The following TUSC3 variants were observed in gnomAD, a reference collection of about 807,000 sequenced individuals.
TUSC3 encodes the protein tumor suppressor candidate 3, also known as dolichyl-diphosphooligosaccharide--protein glycosyltransferase subunit TUSC3.
Under a neutral mutation model 44.8 loss-of-function variants are expected in TUSC3, and 45 were observed. The ratio of observed to expected loss-of-function variants is 1.00; its 90% CI spans 0.79 to 1.29. The LOEUF is 1.29. Ranked by LOEUF, TUSC3 falls within the 50% of genes most tolerant of loss-of-function variation. The pLI is 0.00. For missense variants in TUSC3, 519 were observed against 437.9 expected, an observed-to-expected ratio of 1.19 and a Z score of -1.65; for synonymous variants, 212 against 152.9, an observed-to-expected ratio of 1.39 and a Z score of -2.85.
At chr8:15,684,327 G>A (rs1327519874) in intron 6 of TUSC3, among the ~76,000 whole-genome samples, 2 of 152,126 alleles carry the variant, frequency 1.3e-5, no homozygotes, top group Non-Finnish European at 2.9e-5. Flanking sequence ...AGTGAGTTGT[G>A]GAGTGTGTTC....
intron 1 of TUSC3, among the ~76,000 whole-genome samples, chr8:15,439,505 C>T (rs1325804403): frequency 1.3e-5 from 2 of 152,114 alleles, no homozygotes; most frequent in Non-Finnish European, 2.9e-5. Context: ...TGAAGTGAAC[C>T]GTGGTTACAC....
rs897284623 is a variant in TUSC3, at chr8:15,425,424, G to A, written n.91+8119G>A. Among the ~76,000 whole-genome samples the A allele has an allele frequency of 5.3e-5, 8 of 152,210 alleles. 1 individual carries two copies. Among genetic ancestry groups the A allele is most frequent in the Non-Finnish European group, 7.3e-5 (5 of 68,038 alleles). ...CCTGAAAGAAGTGCCATAATCCTAT[G>A]ATGAAAATTAAGGGAAGACTTCTGG... On this transcript the variant is annotated intron_variant and non_coding_transcript_variant, in intron 1 of 5. Transcript: ENST00000503191.
rs990049076 is a variant in TUSC3, at chr8:15,623,853, A to G, written c.308+604A>G. Among the ~76,000 whole-genome samples, 5 of 152,168 alleles carry G rather than the reference A, an allele frequency of 3.3e-5. No individual in the cohort carries two copies. In the South Asian group the frequency reaches 8.3e-4, roughly 25 times the overall value. ...TCCAGTGGTAACCTGTTGTAAAACT[A>G]TAGTACAAATTCACAAGTAGGGTAC... On this transcript the variant is annotated intron_variant, in intron 2 of 10. Coordinates refer to ENST00000503731, the MANE Select transcript of TUSC3 (RefSeq NM_006765.4).
the TUSC3 span, among the ~76,000 whole-genome samples, chr8:15,844,140 T>G: frequency 6.6e-6 from 1 of 152,134 alleles, no homozygotes; most frequent in Middle Eastern, 3.2e-3. Context: ...GAATGCACCA[T>G]GACAAACAAT....
intron 7 of TUSC3, among the ~76,000 whole-genome samples, chr8:15,738,107 G>T (rs535671385): frequency 6.6e-5 from 10 of 152,194 alleles, no homozygotes; most frequent in African/African-American, 2.2e-4. Flanking sequence ...ACGGCTCACT[G>T]CTCTTTTCTT....
chr8:15,756,971 C>A (rs1231237926), intron 9 of TUSC3, among the ~76,000 whole-genome samples: 1 of 152,082 alleles, frequency 6.6e-6, no homozygotes, highest in African/African-American at 2.4e-5. Flanking sequence ...GGTGTCTCTA[C>A]AAAAAATTTA....
At chr8:15,462,690 C>G (rs942522998) in intron 1 of TUSC3, among the ~76,000 whole-genome samples, 9 of 152,088 alleles carry the variant, frequency 5.9e-5, no homozygotes, top group African/African-American at 1.9e-4. Context: ...AAAATTTAGT[C>G]TATTATACTC....
chr8:15,488,294 C>CA (rs1484472056), intron 2 of TUSC3, among the ~76,000 whole-genome samples: 4 of 150,976 alleles, frequency 2.6e-5, no homozygotes, highest in Non-Finnish European at 3.0e-5. Flanking sequence ...CTCAGGAGCC[C>CA]AGGACCAGCC....
the TUSC3 span, among the ~76,000 whole-genome samples, chr8:15,830,469 T>G: frequency 1.3e-5 from 2 of 152,190 alleles, no homozygotes; most frequent in African/African-American, 4.8e-5. Flanking sequence ...TGTATATTTA[T>G]TGCAGCACTA....
intron 2 of TUSC3, among the ~76,000 whole-genome samples, chr8:15,509,420 C>A (rs1345779742): frequency 2.0e-5 from 3 of 152,094 alleles, no homozygotes; most frequent in Non-Finnish European, 4.4e-5. Flanking sequence ...ACCAGCCTGG[C>A]CAACATGGTG....
At chr8:15,677,646 T>C (rs529470035) in intron 6 of TUSC3, among the ~76,000 whole-genome samples, 27 of 152,320 alleles carry the variant, frequency 1.8e-4, no homozygotes, top group Non-Finnish European at 7.3e-5. Context: ...TCCATGCCCA[T>C]ATCAGCACAA....
intron 2 of TUSC3, among the ~76,000 whole-genome samples, chr8:15,498,815 G>C (rs1052895831): frequency 2.6e-5 from 4 of 152,052 alleles, no homozygotes; most frequent in Non-Finnish European, 5.9e-5. Flanking sequence ...ACCACCAGAG[G>C]CAGAGAGATA....
At chr8:15,453,625 GCCAAGACACAGA>G (rs1175033430) in intron 1 of TUSC3, among the ~76,000 whole-genome samples, 1 of 144,132 alleles carries the variant, frequency 6.9e-6, no homozygotes, top group Non-Finnish European at 1.6e-5. Flanking sequence ...TTGCTGACTA[GCCAAGACACAGA>G]CAAACACAAC....
intron 2 of TUSC3, among the ~76,000 whole-genome samples, chr8:15,506,096 T>C (rs1388665540): frequency 6.6e-6 from 1 of 152,194 alleles, no homozygotes; most frequent in Non-Finnish European, 1.5e-5. Flanking sequence ...GGGAGACTAT[T>C]ATAAGAGAGG....
intron 1 of TUSC3, among the ~76,000 whole-genome samples, chr8:15,482,324 A>G (rs1306433023): frequency 6.6e-6 from 1 of 152,164 alleles, no homozygotes; most frequent in African/African-American, 2.4e-5. Flanking sequence ...TGTTAATACT[A>G]TTGTGATTTC....
At chr8:15,444,824 A>T (rs1800071039) in intron 1 of TUSC3, among the ~76,000 whole-genome samples, 1 of 152,188 alleles carries the variant, frequency 6.6e-6, no homozygotes, top group Non-Finnish European at 1.5e-5. Context: ...AGGCAAGTGG[A>T]TACTATTTCT....
At chr8:15,456,793 GA>G (rs1284368369) in intron 1 of TUSC3, among the ~76,000 whole-genome samples, 1 of 150,932 alleles carries the variant, frequency 6.6e-6, no homozygotes, top group Non-Finnish European at 1.5e-5. Context: ...AGAGGAGGAG[GA>G]AAAAAACTCA....
chr8:15,826,892 T>C, the TUSC3 span, among the ~76,000 whole-genome samples: 3 of 152,178 alleles, frequency 2.0e-5, no homozygotes, highest in African/African-American at 7.2e-5. Context: ...TGATTGGAGC[T>C]GGGTTGGGAA....
chr8:15,609,303 A>G (rs1450620894), intron 1 of TUSC3, among the ~76,000 whole-genome samples: 3 of 152,154 alleles, frequency 2.0e-5, no homozygotes, highest in Admixed American at 1.3e-4. Context: ...AGATAATTTT[A>G]TGATATAATG....
Sources: gnomAD v4.1 joint callset for allele counts (sites outside exome capture counted in the v4.1 genomes callset) on GRCh38, gnomAD v4.1.1 for gene constraint, MANE v1.5 for transcripts, NCBI Gene and HGNC (gene_info 2026-07-23, HGNC 2026-07-21) for gene names.